Variants in CFAP97 observed in about 807,000 individuals in gnomAD.
The protein encoded by CFAP97 is cilia and flagella associated protein 97.
Under a neutral mutation model 43.1 loss-of-function variants are expected in CFAP97, and 36 were observed. That is an observed-to-expected ratio of 0.84 (90% CI 0.64 to 1.10). CFAP97 has a LOEUF of 1.10. Among genes scored for constraint, CFAP97 ranks in the 50% least tolerant of loss-of-function variants. The pLI is 0.00. For synonymous variants in CFAP97, 228 were observed against 225.7 expected, an observed-to-expected ratio of 1.01 and a Z score of -0.09; for missense variants, 657 against 620.3, an observed-to-expected ratio of 1.06 and a Z score of -0.63.
chr4:185,192,818 G>GC (rs1162464765), intron 1 of CFAP97, among the ~76,000 whole-genome samples: 1 of 140,084 alleles, frequency 7.1e-6, no homozygotes, highest in Non-Finnish European at 1.5e-5. Flanking sequence ...TCGGCTCAGT[G>GC]CAAGCTCCGC....
intron 2 of CFAP97, among the ~76,000 whole-genome samples, chr4:185,183,346 C>T (rs1052729252): frequency 1.3e-5 from 2 of 152,320 alleles, no homozygotes; most frequent in African/African-American, 4.8e-5. Flanking sequence ...GATGGGCTCA[C>T]ATGTTGTCTT....
chr4:185,192,203 C>A (rs1736291601), intron 1 of CFAP97, among the ~76,000 whole-genome samples: 1 of 152,194 alleles, frequency 6.6e-6, no homozygotes, highest in Non-Finnish European at 1.5e-5. Flanking sequence ...ACAGGCTGCA[C>A]AGGTATGTCG....
intron 1 of CFAP97, among the ~76,000 whole-genome samples, chr4:185,198,849 G>T (rs1736683904): frequency 1.3e-5 from 2 of 152,024 alleles, no homozygotes; most frequent in South Asian, 2.1e-4. Context: ...AGCTGCAGAA[G>T]ATCTAGCTAA....
chr4:185,181,081 TCTG>T (rs1735760749), intron 2 of CFAP97, among the ~76,000 whole-genome samples: 1 of 151,924 alleles, frequency 6.6e-6, no homozygotes, highest in South Asian at 2.1e-4. Context: ...AAACCTTGTC[TCTG>T]CAGACTTTTG....
Position 185,162,686 on chromosome 4 carries a change from A to G in CFAP97, c.*112T>C. 8.7e-7 allele frequency: 1 copy of G among 1,148,956 alleles called. No individual in the cohort carries two copies. The highest frequency in any genetic ancestry group is 1.3e-6 in the Non-Finnish European group (1 of 798,056). The allele number at this position is 1,148,956 out of a possible 1,614,324, so 71.2% of individuals were successfully genotyped here. ...ACAATACATTACAACTCACTGTTGTACACCTTCAATTGCTAAAACGGTATT... is the reference window on the plus strand; with the variant it reads ...ACAATACATTACAACTCACTGTTGTGCACCTTCAATTGCTAAAACGGTATT... On this transcript the variant is annotated 3_prime_UTR_variant, in exon 5 of 5. Coordinates refer to ENST00000458385, the MANE Select transcript of CFAP97 (RefSeq NM_020827.3).
In CFAP97 at chr4:185,184,842, T is replaced by C. The variant is rs554810996; in HGVS notation, c.1054+5301A>G. ...CTAAGAGTTGAGTGTTTTCTTCCTG[T>C]AAGAAGCTTTTTATTGGCTGAAACA... On this transcript the variant is annotated intron_variant, in intron 2 of 4. Coordinates refer to ENST00000458385, the MANE Select transcript of CFAP97 (RefSeq NM_020827.3). Among the ~76,000 whole-genome samples, 5 of 152,364 alleles carry C rather than the reference T, an allele frequency of 3.3e-5. No homozygotes were observed. The South Asian group carries it at 1.0e-3, about 32-fold the overall frequency.
In CFAP97 at chr4:185,190,932, C is replaced by A. The variant is rs1045572800; in HGVS notation, c.265G>T (p.Val89Leu). Residue 89 changes from valine (V) to leucine (L), a missense_variant, in exon 2 of 5, where the codon GTA (valine) becomes TTA (leucine). By Grantham distance (32) the Val-to-Leu change is conservative. Transcript: ENST00000458385. ...GAGGCTGGCAATGAGAAAGAACTTA[C>A]AGTTTGTGTAACATCATTCTCTACG... Reference protein sequence around the residue: ...HPVENDVTQTVSSFSLPASSR... With the variant: ...HPVENDVTQTLSSFSLPASSR... 1 of 1,613,686 alleles carries A rather than the reference C, an allele frequency of 6.2e-7. No homozygotes were observed. The highest frequency in any genetic ancestry group is 1.1e-5 in the South Asian group (1 of 91,048).
At position 185,190,392 on chromosome 4, in the gene CFAP97, A is replaced by G. The variant is rs1208755075; in HGVS notation, c.805T>C (p.Phe269Leu). Residue 269 changes from phenylalanine to leucine, a missense_variant, in exon 2 of 5, where the codon TTT (phenylalanine) becomes CTT (leucine). Phe to Leu is a conservative substitution (Grantham distance 22). Transcript: ENST00000458385. ...TGATCATTTGCTATGCCCAGTTCAA[A>G]AGACTGAAGAGGGCTAATGTCTGGA... Reference protein sequence around the residue: ...STPDISPLQSFELGIANDQKV... With the variant: ...STPDISPLQSLELGIANDQKV... 1 of 1,612,352 alleles carries G rather than the reference A, an allele frequency of 6.2e-7. No homozygotes were observed.
chr4:185,173,800 T>C lies in CFAP97; in HGVS notation c.1320+1986A>G, dbSNP rs189726496. On this transcript the variant is annotated intron_variant, in intron 3 of 4. Coordinates refer to ENST00000458385, the MANE Select transcript of CFAP97 (RefSeq NM_020827.3). ...TGAAGTGATGAAAACGTTTTAGAAA[T>C]AGATGGTAGTGACAGTTGTACAACA... 1.8e-4 allele frequency among the ~76,000 whole-genome samples: 27 copies of C among 152,258 alleles called. No homozygotes were observed. The East Asian group carries it at 3.9e-3, about 22-fold the overall frequency.
chr4:185,164,184 A>C lies in CFAP97; in HGVS notation c.1321-5T>G, dbSNP rs1560852894. 1 of 1,612,896 alleles carries C rather than the reference A, an allele frequency of 6.2e-7. No individual in the cohort carries two copies. The highest frequency in any genetic ancestry group is 8.5e-7 in the Non-Finnish European group (1 of 1,179,302). On this transcript the variant is annotated splice_polypyrimidine_tract_variant and splice_region_variant and intron_variant, in intron 3 of 4. Transcript: ENST00000458385. ...CTCAAGCCTTTTCAATAAAGCCTTC[A>C]ATAAAGACAATTAATTTGAAAGGCA...
upstream of CFAP97, among the ~76,000 whole-genome samples, chr4:185,204,869 G>C (rs1311172432): frequency 6.6e-6 from 1 of 152,190 alleles, no homozygotes; most frequent in Non-Finnish European, 1.5e-5. Flanking sequence ...GAAGGAACTA[G>C]AGCCTGCAAA....
At chr4:185,188,488 G>A (rs573881586) in intron 2 of CFAP97, among the ~76,000 whole-genome samples, 2 of 152,140 alleles carry the variant, frequency 1.3e-5, no homozygotes, top group Admixed American at 6.5e-5. Context: ...GAATACAGGC[G>A]TGTGCCACTA....
At position 185,160,820 on chromosome 4, in the gene CFAP97, T is replaced by C. The variant is rs1734848334; in HGVS notation, c.*1978A>G. ...TAATGCCATTATGAACAGAAAAGAC[T>C]ATATATAAATATATAATCTTTATAT... On this transcript the variant is annotated 3_prime_UTR_variant, in exon 5 of 5. Transcript: ENST00000458385. 1 of 148,350 alleles carries C rather than the reference T, an allele frequency of 6.7e-6. No homozygotes were observed. Among genetic ancestry groups the C allele is most frequent in the Admixed American group, 6.7e-5 (1 of 14,832 alleles). 9.2% of individuals were successfully genotyped at this position (148,350 alleles called of 1,614,324 possible). A position where few individuals can be genotyped will look rare whatever the true frequency, so the allele number is the denominator to read the frequency against.
rs377159671 is a variant in CFAP97, at chr4:185,183,885, A to T, written c.1054+6258T>A. Among the ~76,000 whole-genome samples, 3 of 152,272 alleles carry T rather than the reference A, an allele frequency of 2.0e-5. No individual in the cohort carries two copies. In the East Asian group the frequency reaches 5.8e-4, roughly 29 times the overall value. On this transcript the variant is annotated intron_variant, in intron 2 of 4. Transcript: ENST00000458385. ...GTACTATGAATAAAGCTTCCCTTCT[A>T]CATTTTAGCTCAGCATCTGTGTTAA...
At chr4:185,175,015 A>T (rs1735458895) in intron 3 of CFAP97, among the ~76,000 whole-genome samples, 1 of 152,226 alleles carries the variant, frequency 6.6e-6, no homozygotes, top group Admixed American at 6.5e-5. Flanking sequence ...TTTAAGTAGC[A>T]GATTAGCAAT....
intron 3 of CFAP97, among the ~76,000 whole-genome samples, chr4:185,174,150 C>T (rs1393131842): frequency 6.6e-6 from 1 of 152,120 alleles, no homozygotes; most frequent in Admixed American, 6.6e-5. Context: ...GGACTTAATG[C>T]CTAACACTTG....
chr4:185,165,460 G>A (rs974289605), intron 3 of CFAP97, among the ~76,000 whole-genome samples: 5 of 152,158 alleles, frequency 3.3e-5, no homozygotes, highest in Non-Finnish European at 2.9e-5. Context: ...AGTTTATCCT[G>A]TTGGCTTTTC....
In CFAP97 at chr4:185,160,566, C is replaced by T. The variant is rs994997367; in HGVS notation, c.*2232G>A. 6 of 152,058 alleles carry T rather than the reference C, an allele frequency of 3.9e-5. No homozygotes were observed. The highest frequency in any genetic ancestry group is 1.4e-4 in the African/African-American group (6 of 41,520). The allele number at this position is 152,058 out of a possible 1,614,324, so 9.4% of individuals were successfully genotyped here. On this transcript the variant is annotated 3_prime_UTR_variant, in exon 5 of 5. Transcript: ENST00000458385. ...TTTATATTCATTATATATAAGTAAC[C>T]ATGACAACAGAATTGAAGTTCCGCT... is the stretch of plus-strand genomic sequence containing the variant.
chr4:185,179,122 T>A (rs1452103676), intron 2 of CFAP97, among the ~76,000 whole-genome samples: 1 of 151,650 alleles, frequency 6.6e-6, no homozygotes, highest in Non-Finnish European at 1.5e-5. Flanking sequence ...CAGGAGATTC[T>A]CAAAGTACTC....
Sources: gnomAD v4.1 joint callset for allele counts (sites outside exome capture counted in the v4.1 genomes callset) on GRCh38, gnomAD v4.1.1 for gene constraint, MANE v1.5 for transcripts, NCBI Gene and HGNC (gene_info 2026-07-23, HGNC 2026-07-21) for gene names.